The following PCNX2 variants were observed in gnomAD, a reference collection of about 807,000 sequenced individuals.
The protein encoded by PCNX2 is pecanex 2.
Under a neutral mutation model 223.8 loss-of-function variants are expected in PCNX2, and 168 were observed. The ratio of observed to expected loss-of-function variants is 0.75; its 90% CI spans 0.66 to 0.85. The LOEUF (loss-of-function observed/expected upper bound fraction) is 0.85. PCNX2 is among the 40% of genes least tolerant of loss of function. The pLI is 0.00. For synonymous variants in PCNX2, 1,006 were observed against 1,052.6 expected, an observed-to-expected ratio of 0.96 and a Z score of 0.86; for missense variants, 2,507 against 2,675.5, an observed-to-expected ratio of 0.94 and a Z score of 1.39.
chr1:233,207,616 A>G (rs1681555538), intron 13 of PCNX2, among the ~76,000 whole-genome samples: 1 of 152,154 alleles, frequency 6.6e-6, no homozygotes, highest in South Asian at 2.1e-4. Context: ...AATTTTCAGT[A>G]ATTTCTGAGG....
At position 233,120,053 on chromosome 1, in the gene PCNX2, G is replaced by A. The variant is rs185610356; in HGVS notation, c.3837+14960C>T. On this transcript the variant is annotated intron_variant, in intron 21 of 33. Coordinates refer to ENST00000258229, the MANE Select transcript of PCNX2 (RefSeq NM_014801.4). ...GTGGTTGCACGCGCCTGTAGTCCCA[G>A]CTACTCAGGAGGCTGAGGCAAGAGA... Among the ~76,000 whole-genome samples the A allele has an allele frequency of 1.3e-4, 20 of 150,960 alleles. No homozygotes were observed. In the East Asian group the frequency reaches 3.9e-3, roughly 30 times the overall value.
At chr1:233,188,208 C>G (rs553681237) in intron 15 of PCNX2, among the ~76,000 whole-genome samples, 1 of 152,278 alleles carries the variant, frequency 6.6e-6, no homozygotes, top group East Asian at 1.9e-4. Context: ...TTATCTCACA[C>G]TCGGGGTCCT....
chr1:233,082,870 T>C (rs999101700), intron 23 of PCNX2, among the ~76,000 whole-genome samples: 1 of 152,164 alleles, frequency 6.6e-6, no homozygotes, highest in Non-Finnish European at 1.5e-5. Context: ...TGGTGACAGG[T>C]AATCCCATCT....
At position 232,999,457 on chromosome 1, in the gene PCNX2, T is replaced by C. The variant is rs1029997122; in HGVS notation, c.5329-78A>G. ...TCTATTGGTTTTTTCTTTTTCTTTT[T>C]TTTTTTTTTTTTTGAGATAGAGTTT... On this transcript the variant is annotated intron_variant, in intron 30 of 33. Transcript: ENST00000258229. 2.1e-4 allele frequency: 284 copies of C among 1,371,838 alleles called. 1 individual carries two copies. The highest frequency in any genetic ancestry group is 2.0e-3 in the East Asian group (78 of 38,290). The allele number at this position is 1,371,838 out of a possible 1,614,324, so 85.0% of individuals were successfully genotyped here.
chr1:233,315,032 A>T, the PCNX2 span, among the ~76,000 whole-genome samples: 2 of 152,216 alleles, frequency 1.3e-5, no homozygotes, highest in African/African-American at 4.8e-5. Flanking sequence ...GGTAACAACA[A>T]CATCCATACA....
chr1:232,983,654 C>G lies in PCNX2; in HGVS notation c.*650G>C, dbSNP rs1479553235. 2.0e-5 allele frequency: 3 copies of G among 152,172 alleles called. No homozygotes were observed. Among genetic ancestry groups the G allele is most frequent in the African/African-American group, 7.2e-5 (3 of 41,424 alleles). The allele number at this position is 152,172 out of a possible 1,614,324, so 9.4% of individuals were successfully genotyped here. A position where few individuals can be genotyped will look rare whatever the true frequency, so the allele number is the denominator to read the frequency against. On this transcript the variant is annotated 3_prime_UTR_variant, in exon 34 of 34. Coordinates refer to ENST00000258229, the MANE Select transcript of PCNX2 (RefSeq NM_014801.4). ...TTTCTAAACTCACATCCTAACGTAT[C>G]CTGGCTTTTCACAGAATACTGGAGA...
chr1:233,183,538 G>A (rs929780600), intron 15 of PCNX2, among the ~76,000 whole-genome samples: 2 of 152,148 alleles, frequency 1.3e-5, no homozygotes, highest in African/African-American at 4.8e-5. Flanking sequence ...CAGAGAAAAG[G>A]CAATCTCCTG....
intron 1 of PCNX2, among the ~76,000 whole-genome samples, chr1:233,277,608 C>T (rs1660981745): frequency 6.6e-6 from 1 of 152,158 alleles, no homozygotes; most frequent in African/African-American, 2.4e-5. Flanking sequence ...CTCAGGTAAG[C>T]TGTCCTATCT....
At chr1:233,061,912 C>G (rs946161997) in intron 23 of PCNX2, among the ~76,000 whole-genome samples, 1 of 152,096 alleles carries the variant, frequency 6.6e-6, no homozygotes, top group Non-Finnish European at 1.5e-5. Context: ...GCATGCACCA[C>G]TACGCCCAGC....
chr1:233,031,628 A>C, intron 25 of PCNX2: 1 of 467,288 alleles, frequency 2.1e-6, no homozygotes, highest in Non-Finnish European at 2.8e-6. Context: ...AGCTATTAGG[A>C]TAACAGTCTA....
intron 15 of PCNX2, among the ~76,000 whole-genome samples, chr1:233,192,091 G>A (rs186357138): frequency 6.6e-6 from 1 of 152,240 alleles, no homozygotes; most frequent in East Asian, 1.9e-4. Context: ...TCAGACATGA[G>A]GTACCTCTGA....
In PCNX2 at chr1:233,004,816, G is replaced by A. The variant is rs563389762; in HGVS notation, c.4953-3135C>T. Among the ~76,000 whole-genome samples the A allele has an allele frequency of 1.3e-4, 20 of 152,312 alleles. No individual in the cohort carries two copies. In the East Asian group the frequency reaches 2.5e-3, roughly 19 times the overall value. On this transcript the variant is annotated intron_variant, in intron 28 of 33. Coordinates refer to ENST00000258229, the MANE Select transcript of PCNX2 (RefSeq NM_014801.4). Reference sequence around the variant, plus strand: ...ACTCCCTTGAGAAAGAGGCCGCTGAGGCTTCAAGGCTTCAGAGCAGACTGC... The same window carrying A: ...ACTCCCTTGAGAAAGAGGCCGCTGAAGCTTCAAGGCTTCAGAGCAGACTGC...
intron 21 of PCNX2, among the ~76,000 whole-genome samples, chr1:233,100,020 T>C (rs1004920111): frequency 2.6e-5 from 4 of 152,160 alleles, no homozygotes; most frequent in African/African-American, 9.6e-5. Flanking sequence ...CTCAGCGCTA[T>C]GAAAATGCAT....
intron 25 of PCNX2, among the ~76,000 whole-genome samples, chr1:233,045,218 C>T (rs995741357): frequency 2.9e-4 from 44 of 152,248 alleles, no homozygotes; most frequent in African/African-American, 9.9e-4. Context: ...TCATGTCAAT[C>T]GTGGACAGCA....
Position 233,250,829 on chromosome 1 carries a change from T to A in PCNX2, c.2132A>T (p.Glu711Val), listed in dbSNP as rs1394052700. The A allele has an allele frequency of 3.8e-6, 6 of 1,583,348 alleles. No individual in the cohort carries two copies. In the South Asian group the frequency reaches 6.9e-5, roughly 18 times the overall value. Residue 711 changes from glutamate to valine, a missense_variant, in exon 8 of 34, where the codon GAA becomes GTA. Physicochemically the swap from Glu to Val is moderately radical, Grantham distance 121 (BLOSUM62 -2). Transcript: ENST00000258229. ...AMHVFIDEHGEIRSCYLKSGN... is the reference protein window; with the variant it reads ...AMHVFIDEHGVIRSCYLKSGN... ...AGATTTTAAATAACAGGATCTAATT[T>A]CCCCTGTAAAATCAGAAAATTTCAG...
At chr1:233,132,341 G>A (rs12082991) in intron 21 of PCNX2, among the ~76,000 whole-genome samples, 12,261 of 152,174 alleles carry the variant, frequency 0.081, 555 homozygotes, top group African/African-American at 0.1. Context: ...CTAGAAGGAC[G>A]ACTGACAGCC....
Position 233,101,119 on chromosome 1 carries a change from C to CA in PCNX2, c.3838-5257dup, listed in dbSNP as rs991151498. On this transcript the variant is annotated intron_variant, in intron 21 of 33. Transcript: ENST00000258229. Reference sequence around the variant, plus strand: ...AGAAATTTGGAGGTTCACAGGGAACCACGTTAATGAATTGAGGAGGGAGCC... The same window carrying CA: ...AGAAATTTGGAGGTTCACAGGGAACCAACGTTAATGAATTGAGGAGGGAGCC... Among the ~76,000 whole-genome samples, 4 of 152,110 alleles carry CA rather than the reference C, an allele frequency of 2.6e-5. No homozygotes were observed. In the South Asian group the frequency reaches 6.2e-4, roughly 24 times the overall value.
the PCNX2 span, among the ~76,000 whole-genome samples, chr1:233,326,286 A>G: frequency 6.6e-6 from 1 of 152,232 alleles, no homozygotes; most frequent in Non-Finnish European, 1.5e-5. Context: ...AAGTATGCCC[A>G]TACTTTAAAT....
intron 27 of PCNX2, among the ~76,000 whole-genome samples, chr1:233,015,098 GCCC>G (rs1670604134): frequency 6.6e-6 from 1 of 152,192 alleles, no homozygotes; most frequent in Admixed American, 6.5e-5. Flanking sequence ...TCAAATGGGT[GCCC>G]ACCTTAACAC....
Sources: gnomAD v4.1 joint callset for allele counts (sites outside exome capture counted in the v4.1 genomes callset) on GRCh38, gnomAD v4.1.1 for gene constraint, MANE v1.5 for transcripts, NCBI Gene and HGNC (gene_info 2026-07-23, HGNC 2026-07-21) for gene names.